NECAB2: variants seen among roughly 807,000 people sequenced by gnomAD.
NECAB2 encodes the protein N-terminal EF-hand calcium-binding protein 2.
In NECAB2, 68 loss-of-function variants were observed where a neutral mutation model predicts 51.9. The ratio of observed to expected loss-of-function variants is 1.31; its 90% confidence interval spans 1.08 to 1.60. The LOEUF (loss-of-function observed/expected upper bound fraction) is 1.60. NECAB2 is among the 40% of genes most tolerant of loss of function. NECAB2 has a pLI of 0.00. For synonymous variants in NECAB2, 329 were observed against 203.5 expected, an observed-to-expected ratio of 1.62 and a Z score of -5.25; for missense variants, 854 against 490.3, an observed-to-expected ratio of 1.74 and a Z score of -7.00.
rs2084863004 is a variant in NECAB2 at position 84,002,678 on chromosome 16, A to G, written c.*332A>G. 2 of 400,748 alleles carry G rather than the reference A, an allele frequency of 5.0e-6. No homozygotes were observed. Among genetic ancestry groups the G allele is most frequent in the East Asian group, 9.5e-5 (2 of 20,954 alleles). 24.8% of individuals were successfully genotyped at this position (400,748 alleles called of 1,614,324 possible). A position where few individuals can be genotyped will look rare whatever the true frequency, so the allele number is the denominator to read the frequency against. ...TGACCACACCCTGCCCTCTTCGGTG[A>G]CATTCTTCTACCTAGTAGGAGTCAT... On this transcript the variant is annotated 3_prime_UTR_variant, in exon 13 of 13. Transcript: ENST00000305202.
intron 5 of NECAB2, among the ~76,000 whole-genome samples, chr16:83,988,008 T>C (rs547377056): frequency 6.6e-5 from 10 of 152,372 alleles, no homozygotes; most frequent in African/African-American, 2.4e-4. Context: ...CAGTACTTTC[T>C]CATTTAAATT....
intron 5 of NECAB2, among the ~76,000 whole-genome samples, chr16:83,985,840 T>G (rs890667301): frequency 1.3e-5 from 2 of 152,222 alleles, no homozygotes; most frequent in Non-Finnish European, 2.9e-5. Context: ...GTGTTTGTTT[T>G]TGTAACTACC....
At chr16:83,976,361 CCT>C (rs1204005193) in intron 2 of NECAB2, among the ~76,000 whole-genome samples, 2 of 152,302 alleles carry the variant, frequency 1.3e-5, no homozygotes, top group South Asian at 2.1e-4. Flanking sequence ...TCAGTTTACC[CCT>C]CTCTAACATG....
At chr16:83,969,283 C>T (rs1038475740) in intron 1 of NECAB2, among the ~76,000 whole-genome samples, 1 of 152,124 alleles carries the variant, frequency 6.6e-6, no homozygotes, top group South Asian at 2.1e-4. Flanking sequence ...CTAACAACCC[C>T]TACCTCTAGC....
chr16:84,002,372 GC>G lies in NECAB2; in HGVS notation c.*29del. 1 of 1,611,250 alleles carries G rather than the reference GC, an allele frequency of 6.2e-7. No individual in the cohort carries two copies. Among genetic ancestry groups the G allele is most frequent in the South Asian group, 1.1e-5 (1 of 91,006 alleles). On this transcript the variant is annotated 3_prime_UTR_variant, in exon 13 of 13. Coordinates refer to ENST00000305202, the MANE Select transcript of NECAB2 (RefSeq NM_019065.3). ...CAGCCTCCCAGAGGCCCGTGGAGGA[GC>G]CCACCAGCCCCTTCTTCTTGTGAAG...
Position 83,978,568 on chromosome 16 carries a change from G to A in NECAB2, c.335+16G>A. On this transcript the variant is annotated intron_variant, in intron 3 of 12. Coordinates refer to ENST00000305202, the MANE Select transcript of NECAB2 (RefSeq NM_019065.3). ...ACAACACCAAGTGAGCTTCAGTCCT[G>A]GCTGGCAGAGTGGGGGTGTGTGTGG... 6.3e-7 allele frequency: 1 copy of A among 1,599,866 alleles called. No individual in the cohort carries two copies. Among genetic ancestry groups the A allele is most frequent in the Non-Finnish European group, 8.6e-7 (1 of 1,167,868 alleles).
intron 11 of NECAB2, among the ~76,000 whole-genome samples, chr16:84,001,232 G>C (rs558817395): frequency 6.6e-6 from 1 of 151,904 alleles, no homozygotes; most frequent in Non-Finnish European, 1.5e-5. Context: ...TAGGGTGTCA[G>C]CAGCTCTGAT....
intron 12 of NECAB2, among the ~76,000 whole-genome samples, 163 bp from the exon 13 acceptor site, chr16:84,002,155 C>G (rs1362574559): frequency 6.6e-6 from 1 of 152,182 alleles, no homozygotes; most frequent in African/African-American, 2.4e-5. Flanking sequence ...GACTGAATTT[C>G]CCTTCCCAGG....
intron 5 of NECAB2, 73 bp downstream of exon 5, chr16:83,981,200 C>G (rs2084485340): frequency 7.1e-7 from 1 of 1,415,224 alleles, no homozygotes; most frequent in Non-Finnish European, 9.9e-7. Context: ...CCTAAGGATG[C>G]CTGGATTTTT....
intron 5 of NECAB2, among the ~76,000 whole-genome samples, chr16:83,990,111 C>T (rs887918375): frequency 1.3e-5 from 2 of 152,198 alleles, no homozygotes; most frequent in Non-Finnish European, 2.9e-5. Context: ...CCACCATCAC[C>T]GTCATCTATA....
intron 6 of NECAB2, among the ~76,000 whole-genome samples, chr16:83,993,813 G>T (rs747230211): frequency 2.4e-4 from 37 of 152,254 alleles, no homozygotes; most frequent in South Asian, 8.3e-4. Context: ...GTTACATCCC[G>T]ACTGTCAGTG....
At chr16:83,990,679 C>T (rs367618584) in intron 6 of NECAB2, 49 bp downstream of exon 6, 52 of 1,597,574 alleles carry the variant, frequency 3.3e-5, no homozygotes, top group Non-Finnish European at 3.8e-5. Flanking sequence ...GCCGTGCACG[C>T]GCACGTGCCC....
In NECAB2 at chr16:83,968,858, G is replaced by T; in HGVS notation, c.201+9G>T. ...CCGCCGTCATCCTGGACGTGAGTAC[G>T]CGCCGGCCGGGACCCCCGCCGTGGC... is the stretch of plus-strand genomic sequence containing the variant. On this transcript the variant is annotated intron_variant, in intron 1 of 12. Coordinates refer to ENST00000305202, the MANE Select transcript of NECAB2 (RefSeq NM_019065.3). 2 of 1,118,128 alleles carry T rather than the reference G, an allele frequency of 1.8e-6. No homozygotes were observed. Among genetic ancestry groups the T allele is most frequent in the Non-Finnish European group, 2.2e-6 (2 of 915,542 alleles). The allele number at this position is 1,118,128 out of a possible 1,614,324, so 69.3% of individuals were successfully genotyped here.
intron 8 of NECAB2, among the ~76,000 whole-genome samples, 187 bp from the exon 9 acceptor site, chr16:83,997,029 A>C (rs935025770): frequency 1.0e-4 from 15 of 150,420 alleles, no homozygotes; most frequent in African/African-American, 3.8e-4. Flanking sequence ...TCACCCCAGC[A>C]ACATGTTCTA....
At chr16:83,978,594 G>A in intron 3 of NECAB2, 42 bp downstream of exon 3, 13 of 1,523,668 alleles carry the variant, frequency 8.5e-6, no homozygotes, top group Non-Finnish European at 1.2e-5. Flanking sequence ...GTGTGTGTGG[G>A]CTGTGGTGGA....
intron 2 of NECAB2, among the ~76,000 whole-genome samples, chr16:83,977,579 C>CG: frequency 2.0e-5 from 3 of 152,170 alleles, no homozygotes; most frequent in Middle Eastern, 3.4e-3. Context: ...CTCCACAGAG[C>CG]CCCTCCACAG....
intron 10 of NECAB2, among the ~76,000 whole-genome samples, chr16:83,999,215 T>G (rs1454267255): frequency 6.6e-6 from 1 of 152,088 alleles, no homozygotes; most frequent in Admixed American, 6.5e-5. Context: ...AGTGCGGCCG[T>G]TCCCGAGACT....
intron 1 of NECAB2, among the ~76,000 whole-genome samples, chr16:83,969,210 G>A (rs1056819496): frequency 2.0e-5 from 3 of 150,960 alleles, no homozygotes; most frequent in South Asian, 4.2e-4. Flanking sequence ...GCCCCTCGCC[G>A]CGTCCAGCCG....
chr16:83,986,019 C>G (rs1567670640), intron 5 of NECAB2, among the ~76,000 whole-genome samples: 2 of 152,038 alleles, frequency 1.3e-5, no homozygotes, highest in Non-Finnish European at 2.9e-5. Flanking sequence ...TTTCTTGTTT[C>G]TTTTTTTCTT....
Sources: gnomAD v4.1 joint callset for allele counts (sites outside exome capture counted in the v4.1 genomes callset) on GRCh38, gnomAD v4.1.1 for gene constraint, MANE v1.5 for transcripts, NCBI Gene and HGNC (gene_info 2026-07-23, HGNC 2026-07-21) for gene names.